Variants in PALS1 observed in about 807,000 individuals in gnomAD.
PALS1 encodes protein associated with LIN7 1, MAGUK p55 family member, also known as protein PALS1.
Under a neutral mutation model 78.9 loss-of-function variants are expected in PALS1, and 31 were observed. The observed-to-expected ratio is 0.39, with a 90% CI of 0.30 to 0.53. The LOEUF is 0.53. Among genes scored for constraint, PALS1 ranks in the 20% least tolerant of loss-of-function variants. PALS1 has a pLI of 0.67. For synonymous variants in PALS1, 276 were observed against 270.9 expected, an observed-to-expected ratio of 1.02 and a Z score of -0.18; for missense variants, 704 against 826.5, an observed-to-expected ratio of 0.85 and a Z score of 1.82.
chr14:67,306,112 A>G (rs1272411370), intron 8 of PALS1, among the ~76,000 whole-genome samples: 4 of 152,106 alleles, frequency 2.6e-5, no homozygotes, highest in Non-Finnish European at 4.4e-5. Context: ...TGAGACTACA[A>G]GTGCATGCCA....
intron 8 of PALS1, among the ~76,000 whole-genome samples, chr14:67,311,375 T>C (rs2085086806): frequency 6.6e-6 from 1 of 151,994 alleles, no homozygotes; most frequent in Non-Finnish European, 1.5e-5. Flanking sequence ...CTTGAATTCT[T>C]AGACTGTTTG....
rs186132148 is a variant in PALS1, at chr14:67,321,352, C to T, written c.1740+93C>T. 6.8e-3 allele frequency: 7,886 copies of T among 1,167,674 alleles called. 52 individuals are homozygous for T. The highest frequency in any genetic ancestry group is 7.2e-3 in the Middle Eastern group (30 of 4,172). The allele number at this position is 1,167,674 out of a possible 1,614,324, so 72.3% of individuals were successfully genotyped here. A position where few individuals can be genotyped will look rare whatever the true frequency, so the allele number is the denominator to read the frequency against. ...GCTATATTTTGGTCCAAGAACAGCGCGACCTAATTAAGTTCTCATACGGTT... is the reference window on the plus strand; with the variant it reads ...GCTATATTTTGGTCCAAGAACAGCGTGACCTAATTAAGTTCTCATACGGTT... On this transcript the variant is annotated intron_variant, in intron 13 of 14. Transcript: ENST00000261681.
chr14:67,248,605 G>A (rs2084019994), intron 1 of PALS1, among the ~76,000 whole-genome samples: 1 of 152,014 alleles, frequency 6.6e-6, no homozygotes, highest in Non-Finnish European at 1.5e-5. Context: ...AGGCCTCCAG[G>A]GTTCTTGGCA....
intron 8 of PALS1, among the ~76,000 whole-genome samples, chr14:67,309,256 G>C (rs1021279167): frequency 6.6e-6 from 1 of 152,144 alleles, no homozygotes; most frequent in Non-Finnish European, 1.5e-5. Context: ...TAGCAGGAAA[G>C]ATTGGTGGAG....
rs967894613 is a variant in PALS1 at position 67,334,979 on chromosome 14, C to T, written c.*2023C>T. 9 of 152,192 alleles carry T rather than the reference C, an allele frequency of 5.9e-5. No individual in the cohort carries two copies. Among genetic ancestry groups the T allele is most frequent in the African/African-American group, 2.2e-4 (9 of 41,444 alleles). The allele number at this position is 152,192 out of a possible 1,614,324, so 9.4% of individuals were successfully genotyped here. On this transcript the variant is annotated 3_prime_UTR_variant, in exon 15 of 15. Transcript: ENST00000261681. ...GTTAGAGTGAGGGTGTAGGTAGTGT[C>T]AGTGAGTGGCTCTTGTGCCTGCTGT...
intron 8 of PALS1, among the ~76,000 whole-genome samples, chr14:67,310,584 T>C (rs2085073806): frequency 6.6e-6 from 1 of 152,224 alleles, no homozygotes; most frequent in Admixed American, 6.5e-5. Flanking sequence ...TATACACTTA[T>C]GATAATGTGT....
At chr14:67,259,794 C>T (rs1056488824) in intron 1 of PALS1, among the ~76,000 whole-genome samples, 6 of 151,684 alleles carry the variant, frequency 4.0e-5, no homozygotes, top group Non-Finnish European at 7.4e-5. Context: ...CGCCTGTAGT[C>T]CCAGCTACTT....
intron 1 of PALS1, among the ~76,000 whole-genome samples, chr14:67,242,905 A>G (rs952111032): frequency 1.3e-5 from 2 of 152,210 alleles, no homozygotes; most frequent in African/African-American, 4.8e-5. Context: ...GAGAGAATAT[A>G]TAAGTTCTAC....
intron 14 of PALS1, among the ~76,000 whole-genome samples, chr14:67,327,616 T>C (rs2085378939): frequency 1.3e-5 from 2 of 152,138 alleles, no homozygotes; most frequent in African/African-American, 4.8e-5. Flanking sequence ...ATTAGGTATA[T>C]CTCCTAATGC....
intron 1 of PALS1, among the ~76,000 whole-genome samples, chr14:67,252,684 A>G (rs1236502690): frequency 6.6e-6 from 1 of 152,204 alleles, no homozygotes; most frequent in Non-Finnish European, 1.5e-5. Flanking sequence ...GGTGTGAGGA[A>G]AAGACCCACA....
chr14:67,328,457 C>A (rs1023413968), intron 14 of PALS1, among the ~76,000 whole-genome samples: 2 of 152,178 alleles, frequency 1.3e-5, no homozygotes, highest in African/African-American at 4.8e-5. Context: ...ATGGTAGTTT[C>A]TTTTGCTGTG....
intron 2 of PALS1, among the ~76,000 whole-genome samples, chr14:67,273,261 C>T (rs1427297797): frequency 6.6e-6 from 1 of 151,550 alleles, no homozygotes; most frequent in Non-Finnish European, 1.5e-5. Flanking sequence ...TGCTATCGCT[C>T]CCCCCTCCCA....
At chr14:67,310,809 T>A (rs927136501) in intron 8 of PALS1, among the ~76,000 whole-genome samples, 6 of 152,176 alleles carry the variant, frequency 3.9e-5, no homozygotes, top group African/African-American at 4.8e-5. Context: ...AAGCCAAAAA[T>A]TTTTTAAAAA....
chr14:67,299,688 T>G (rs1170038830), intron 4 of PALS1, among the ~76,000 whole-genome samples: 1 of 152,178 alleles, frequency 6.6e-6, no homozygotes, highest in African/African-American at 2.4e-5. Context: ...GACACTAGAA[T>G]AAGCAACATA....
Position 67,334,099 on chromosome 14 carries a change from G to T in PALS1, c.*1143G>T, listed in dbSNP as rs1396621990. On this transcript the variant is annotated 3_prime_UTR_variant, in exon 15 of 15. Transcript: ENST00000261681. ...AGTTGACTTTAAGATCAAAAGGAAG[G>T]GAAGACCTGAAAGTCATTTGAACAT... is the stretch of plus-strand genomic sequence containing the variant. 2.0e-5 allele frequency: 3 copies of T among 152,426 alleles called. No individual in the cohort carries two copies. The highest frequency in any genetic ancestry group is 2.1e-4 in the South Asian group (1 of 4,816). The allele number at this position is 152,426 out of a possible 1,614,324, so 9.4% of individuals were successfully genotyped here. A position where few individuals can be genotyped will look rare whatever the true frequency, so the allele number is the denominator to read the frequency against.
At chr14:67,245,305 GT>G (rs1162836151) in intron 1 of PALS1, among the ~76,000 whole-genome samples, 2 of 152,130 alleles carry the variant, frequency 1.3e-5, no homozygotes, top group Admixed American at 6.5e-5. Flanking sequence ...TTACATTCCT[GT>G]CAGCACTTGG....
intron 4 of PALS1, among the ~76,000 whole-genome samples, chr14:67,299,212 T>C (rs1221488585): frequency 3.9e-5 from 6 of 152,206 alleles, no homozygotes; most frequent in African/African-American, 7.2e-5. Flanking sequence ...TTGTGAAATA[T>C]CCGGTTAGAT....
chr14:67,334,295 C>T lies in PALS1; in HGVS notation c.*1339C>T, dbSNP rs2085495635. 6.6e-6 allele frequency: 1 copy of T among 152,528 alleles called. No individual in the cohort carries two copies. The highest frequency in any genetic ancestry group is 2.4e-5 in the African/African-American group (1 of 41,432). 9.4% of individuals were successfully genotyped at this position (152,528 alleles called of 1,614,324 possible). A position where few individuals can be genotyped will look rare whatever the true frequency, so the allele number is the denominator to read the frequency against. On this transcript the variant is annotated 3_prime_UTR_variant, in exon 15 of 15. Transcript: ENST00000261681. Reference sequence around the variant, plus strand: ...TCTCTATAGCTGTAGCTTTAAAATTCAACGTATATAATTGGCATGGAAACT... The same window carrying T: ...TCTCTATAGCTGTAGCTTTAAAATTTAACGTATATAATTGGCATGGAAACT...
intron 14 of PALS1, among the ~76,000 whole-genome samples, chr14:67,328,510 T>C (rs1235303997): frequency 1.3e-5 from 2 of 152,230 alleles, no homozygotes; most frequent in Non-Finnish European, 2.9e-5. Flanking sequence ...TTTTGAGTTT[T>C]GTTGCCATTG....
Sources: allele counts gnomAD v4.1 joint callset (sites outside exome capture counted in the v4.1 genomes callset), GRCh38; gene constraint gnomAD v4.1.1; transcripts MANE v1.5; gene names NCBI Gene and HGNC (gene_info 2026-07-23, HGNC 2026-07-21).